Variants in PTPRN2 observed in about 807,000 individuals in gnomAD.
PTPRN2 encodes receptor-type tyrosine-protein phosphatase N2.
Under a neutral mutation model 118.8 loss-of-function variants are expected in PTPRN2, and 74 were observed. The ratio of observed to expected loss-of-function variants is 0.62; its 90% confidence interval spans 0.52 to 0.76. PTPRN2 has a LOEUF of 0.76. Ranked by LOEUF, PTPRN2 falls within the 30% of genes least tolerant of loss-of-function variation. The pLI, the probability that PTPRN2 is intolerant of heterozygous loss-of-function variation, is 0.00. For missense variants in PTPRN2, 1,481 were observed against 1,394.4 expected (o/e 1.06, Z -0.99); for synonymous variants, 641 against 608.0 (o/e 1.05, Z -0.80).
intron 9 of PTPRN2, among the ~76,000 whole-genome samples, chr7:158,122,235 A>G (rs1217696772): frequency 6.6e-6 from 1 of 152,166 alleles, no homozygotes; most frequent in African/African-American, 2.4e-5. Context: ...CTCTCTCTAG[A>G]GTCTTTCAGT....
At chr7:158,462,582 A>G (rs533187693) in intron 2 of PTPRN2, among the ~76,000 whole-genome samples, 1 of 152,354 alleles carries the variant, frequency 6.6e-6, no homozygotes, top group South Asian at 2.1e-4. Flanking sequence ...TGAGGATGAC[A>G]AGTCATTTAC....
intron 11 of PTPRN2, among the ~76,000 whole-genome samples, chr7:157,975,112 C>A (rs1802644050): frequency 3.3e-5 from 5 of 152,140 alleles, no homozygotes; most frequent in Admixed American, 3.3e-4. Context: ...CATTCTCCTC[C>A]TCCTGGGACC....
intron 5 of PTPRN2, among the ~76,000 whole-genome samples, chr7:158,185,618 T>G (rs1349310445): frequency 6.6e-6 from 1 of 152,234 alleles, no homozygotes; most frequent in Non-Finnish European, 1.5e-5. Flanking sequence ...TGAATAACAC[T>G]TTTAGTCTTG....
chr7:158,407,231 CCTGGGTCCT>C lies in PTPRN2; in HGVS notation c.163+82495_163+82503del, dbSNP rs1214092638. 3.8e-3 allele frequency among the ~76,000 whole-genome samples: 182 copies of C among 48,168 alleles called. 12 individuals carry two copies. Among genetic ancestry groups the C allele is most frequent in the Non-Finnish European group, 6.4e-3 (147 of 22,974 alleles). 31.6% of individuals were successfully genotyped at this position (48,168 alleles called of 152,430 possible). ...GGGTCCTGCGTCCTGCGTCCTGGGTCCTGGGTCCTGGGTCCTGCGTCCTGGGTCCTGGGT... is the reference window on the plus strand; with the variant it reads ...GGGTCCTGCGTCCTGCGTCCTGGGTCGGGTCCTGCGTCCTGGGTCCTGGGT... On this transcript the variant is annotated intron_variant, in intron 2 of 22. Transcript: ENST00000389418.
At chr7:158,329,062 G>A (rs547307420) in intron 2 of PTPRN2, among the ~76,000 whole-genome samples, 3 of 152,094 alleles carry the variant, frequency 2.0e-5, no homozygotes, top group Non-Finnish European at 4.4e-5. Flanking sequence ...GCCACCCAGG[G>A]ATCCCAGTGA....
intron 21 of PTPRN2, among the ~76,000 whole-genome samples, chr7:157,559,434 T>C (rs1179220724): frequency 6.6e-6 from 1 of 151,970 alleles, no homozygotes; most frequent in African/African-American, 2.4e-5. Flanking sequence ...TGGCGGGGGC[T>C]GGACGAGCAG....
chr7:158,490,954 G>C (rs1743445568), intron 1 of PTPRN2, among the ~76,000 whole-genome samples: 1 of 152,228 alleles, frequency 6.6e-6, no homozygotes, highest in Admixed American at 6.5e-5. Flanking sequence ...CTGGCACAGG[G>C]CAGGTGCCCA....
chr7:158,419,076 T>C (rs1445872736), intron 2 of PTPRN2, among the ~76,000 whole-genome samples: 2 of 152,212 alleles, frequency 1.3e-5, no homozygotes, highest in African/African-American at 2.4e-5. Context: ...CAACCTGGTA[T>C]TGGTTTTGTG....
chr7:158,446,918 C>A (rs775950836), intron 2 of PTPRN2, among the ~76,000 whole-genome samples: 3 of 152,182 alleles, frequency 2.0e-5, no homozygotes, highest in Admixed American at 6.5e-5. Context: ...CCTGTTCCCA[C>A]GGCCTCACGG....
At chr7:158,062,299 C>T (rs1021914414) in intron 11 of PTPRN2, among the ~76,000 whole-genome samples, 2 of 152,246 alleles carry the variant, frequency 1.3e-5, no homozygotes, top group South Asian at 4.1e-4. Context: ...GGACACCAGC[C>T]AGGGCTGCAG....
rs925064271 is a variant in PTPRN2 at position 157,785,571 on chromosome 7, C to T, written c.1789-102634G>A. On this transcript the variant is annotated intron_variant, in intron 12 of 22. Coordinates refer to ENST00000389418, the MANE Select transcript of PTPRN2 (RefSeq NM_002847.5). The surrounding 1 kb of genome is among the most constrained non-coding windows in gnomAD (Gnocchi z 7.3). ...AACCTGGTCTCTGCTGAAATCTGAA[C>T]AGTCTACACTGGACAGACATGGAGG... 4.6e-5 allele frequency among the ~76,000 whole-genome samples: 7 copies of T among 152,054 alleles called. No homozygotes were observed. Among genetic ancestry groups the T allele is most frequent in the Admixed American group, 3.9e-4 (6 of 15,274 alleles).
chr7:157,625,648 T>C (rs962212002), intron 14 of PTPRN2, among the ~76,000 whole-genome samples: 50 of 152,128 alleles, frequency 3.3e-4, no homozygotes, highest in African/African-American at 1.1e-3. Flanking sequence ...TCAGGTGATA[T>C]GTCACCAAAA....
rs1173621742 is a variant in PTPRN2 at position 157,609,838 on chromosome 7, G to A, written c.2345-5763C>T. ...CCCGTGGTGGCAGAACATATGGAGC[G>A]ATTTTTCATAGATGCCAACAGAAGA... is the stretch of plus-strand genomic sequence containing the variant. On this transcript the variant is annotated intron_variant, in intron 15 of 22. Transcript: ENST00000389418. This position sits in a 1 kb window ranked among gnomAD's most constrained non-coding sequence, Gnocchi z 4.9. Among the ~76,000 whole-genome samples, 3 of 152,176 alleles carry A rather than the reference G, an allele frequency of 2.0e-5. No individual in the cohort carries two copies. Among genetic ancestry groups the A allele is most frequent in the South Asian group, 2.1e-4 (1 of 4,824 alleles).
At chr7:158,394,497 C>A (rs1041586859) in intron 2 of PTPRN2, among the ~76,000 whole-genome samples, 2 of 152,192 alleles carry the variant, frequency 1.3e-5, no homozygotes, top group African/African-American at 4.8e-5. Flanking sequence ...CGGGGATGAG[C>A]CCCCGTGGCT....
intron 13 of PTPRN2, among the ~76,000 whole-genome samples, chr7:157,664,275 G>C (rs931788129): frequency 2.6e-5 from 4 of 152,248 alleles, no homozygotes; most frequent in Admixed American, 2.6e-4. Context: ...TAAAACCTCA[G>C]TTGAAGGTTA....
At chr7:158,436,847 T>A (rs1438760541) in intron 2 of PTPRN2, among the ~76,000 whole-genome samples, 1 of 152,246 alleles carries the variant, frequency 6.6e-6, no homozygotes, top group African/African-American at 2.4e-5. Flanking sequence ...TGGTTTTTAC[T>A]AATTTTAGAG....
intron 3 of PTPRN2, among the ~76,000 whole-genome samples, chr7:158,210,014 C>T (rs1306913721): frequency 1.3e-5 from 2 of 151,898 alleles, no homozygotes; most frequent in Non-Finnish European, 2.9e-5. Flanking sequence ...ATAATACAAA[C>T]ACAACATACC....
intron 3 of PTPRN2, among the ~76,000 whole-genome samples, chr7:158,236,704 G>A (rs1048234219): frequency 6.6e-6 from 1 of 152,128 alleles, no homozygotes; most frequent in Non-Finnish European, 1.5e-5. Flanking sequence ...ACCTGTCCCC[G>A]CCTGGTCACC....
At chr7:158,411,453 C>T (rs1038208392) in intron 2 of PTPRN2, among the ~76,000 whole-genome samples, 2 of 152,220 alleles carry the variant, frequency 1.3e-5, no homozygotes, top group South Asian at 2.1e-4. Context: ...TGCACATGCC[C>T]GGCCACCACT....
Sources: allele counts gnomAD v4.1 joint callset (sites outside exome capture counted in the v4.1 genomes callset), GRCh38; gene constraint gnomAD v4.1.1; non-coding constraint Gnocchi (gnomAD v3.1); transcripts MANE v1.5; gene names NCBI Gene and HGNC (gene_info 2026-07-23, HGNC 2026-07-21).